HERC1: variants seen among roughly 807,000 people sequenced by gnomAD.
HERC1 encodes the protein probable E3 ubiquitin-protein ligase HERC1.
HERC1 carries 160 observed loss-of-function variants against 554.3 expected under a neutral mutation model. That is an observed-to-expected ratio of 0.29 (90% CI 0.25 to 0.33). The LOEUF (loss-of-function observed/expected upper bound fraction) is 0.33. Ranked by LOEUF, HERC1 falls within the 10% of genes least tolerant of loss-of-function variation. The pLI, the probability that HERC1 is intolerant of heterozygous loss-of-function variation, is 1.00. For missense variants in HERC1, 4,919 were observed against 5,918.5 expected, an observed-to-expected ratio of 0.83 and a Z score of 5.54; for synonymous variants, 2,175 against 2,131.7, an observed-to-expected ratio of 1.02 and a Z score of -0.56.
At chr15:63,803,853 G>A (rs2077060666) in intron 1 of HERC1, among the ~76,000 whole-genome samples, 1 of 152,122 alleles carries the variant, frequency 6.6e-6, no homozygotes, top group Middle Eastern at 3.2e-3. Flanking sequence ...TACATTATCT[G>A]ACTTTTAAGC....
At chr15:63,655,465 A>T (rs2069977549) in intron 50 of HERC1, among the ~76,000 whole-genome samples, 1 of 152,250 alleles carries the variant, frequency 6.6e-6, no homozygotes, top group African/African-American at 2.4e-5. Context: ...TAAAACAAAG[A>T]GAAAAATAAC....
chr15:63,737,493 TA>T (rs2074579766), intron 12 of HERC1, among the ~76,000 whole-genome samples: 2 of 83,072 alleles, frequency 2.4e-5, no homozygotes, highest in Non-Finnish European at 5.0e-5. Flanking sequence ...TATATATATA[TA>T]CATATATATA....
chr15:63,726,796 C>T (rs566788541), intron 17 of HERC1, among the ~76,000 whole-genome samples: 6 of 151,684 alleles, frequency 4.0e-5, no homozygotes, highest in Non-Finnish European at 7.4e-5. Flanking sequence ...TTTCAGTGAA[C>T]AGGAATAAAA....
At position 63,706,812 on chromosome 15, in the gene HERC1, T is replaced by C; in HGVS notation, c.4604A>G (p.Asp1535Gly). ...TCTGTGAGATGCTGCCAAATCCAAA[T>C]CAACATTTCGTCTGCCACTCTATTA... The part of the protein sequence containing the change: ...GYALSGRRNV[D>G]LDLAASHRKR... The change falls in exon 25 of 78, where the codon GAT becomes GGT. Residue 1535 changes from aspartate to glycine, a missense_variant. Physicochemically the swap from Asp to Gly is moderately conservative, Grantham distance 94 (BLOSUM62 -1). Transcript: ENST00000443617. 1 of 1,543,980 alleles carries C rather than the reference T, an allele frequency of 6.5e-7. No individual in the cohort carries two copies. The highest frequency in any genetic ancestry group is 8.8e-7 in the Non-Finnish European group (1 of 1,141,036).
Position 63,764,200 on chromosome 15 carries a change from A to T in HERC1, c.931-9T>A. 1 of 1,587,844 alleles carries T rather than the reference A, an allele frequency of 6.3e-7. No homozygotes were observed. Among genetic ancestry groups the T allele is most frequent in the Non-Finnish European group, 8.6e-7 (1 of 1,160,342 alleles). On this transcript the variant is annotated splice_polypyrimidine_tract_variant and intron_variant, in intron 2 of 77. Transcript: ENST00000443617. ...CGATCAGCAGATGAACCCTATAATT[A>T]AAACATTGCGGGACACAGCGTAGGA...
chr15:63,637,267 TG>T (rs1247674973), intron 64 of HERC1: 2 of 559,768 alleles, frequency 3.6e-6, no homozygotes, highest in Non-Finnish European at 6.5e-6. Context: ...CAATCTTCAG[TG>T]GGTCTCAAAA....
chr15:63,637,534 T>G lies in HERC1; in HGVS notation c.12203A>C (p.His4068Pro). The G allele has an allele frequency of 6.4e-7, 1 of 1,567,584 alleles. No homozygotes were observed. The highest frequency in any genetic ancestry group is 8.7e-7 in the Non-Finnish European group (1 of 1,154,520). Residue 4068 changes from histidine (H) to proline (P), a missense_variant, in exon 64 of 78, where the codon CAT becomes CCT. By Grantham distance (77) the His-to-Pro change is moderately conservative (BLOSUM62 -2). This residue lies in a region of HERC1 where 122 missense variants were observed against 195.2 expected (regional missense o/e 0.63). Transcript: ENST00000443617. Reference protein sequence around the residue: ...RLGQGNSDDLHVLTVISALQG... With the variant: ...RLGQGNSDDLPVLTVISALQG... ...TAAGGCTGAAATAACTGTCAGCACA[T>G]GAAGGTCATCTGAATTTCCTTGTCC... is the stretch of plus-strand genomic sequence containing the variant.
At chr15:63,778,729 C>G (rs1427515647) in intron 1 of HERC1, among the ~76,000 whole-genome samples, 2 of 152,078 alleles carry the variant, frequency 1.3e-5, no homozygotes, top group African/African-American at 4.8e-5. Flanking sequence ...CAAAAACGAA[C>G]ATGAGAAAAC....
chr15:63,787,135 C>A (rs2076481356), intron 1 of HERC1, among the ~76,000 whole-genome samples: 1 of 148,672 alleles, frequency 6.7e-6, no homozygotes, highest in Non-Finnish European at 1.5e-5. Flanking sequence ...AGCCACCATC[C>A]CCAGTCTCAA....
intron 33 of HERC1, 53 bp downstream of exon 33, chr15:63,689,536 A>T: frequency 1.0e-6 from 1 of 966,418 alleles, no homozygotes; most frequent in Admixed American, 2.5e-5. Context: ...GAGACAAGTG[A>T]CAGAATATTC....
At chr15:63,751,203 A>ATGCCAG (rs1182330266) in intron 8 of HERC1, among the ~76,000 whole-genome samples, 2 of 152,220 alleles carry the variant, frequency 1.3e-5, no homozygotes, top group Non-Finnish European at 2.9e-5. Context: ...CGGAGTTTTG[A>ATGCCAG]TGCCAGTATT....
chr15:63,789,801 A>AAATAAAT (rs2076579471), intron 1 of HERC1, among the ~76,000 whole-genome samples: 7 of 139,086 alleles, frequency 5.0e-5, no homozygotes, highest in Admixed American at 1.5e-4. Context: ...GCCCTGTCTC[A>AAATAAAT]AAATAAATAA....
intron 61 of HERC1, among the ~76,000 whole-genome samples, chr15:63,639,257 T>C (rs1268257206): frequency 6.6e-6 from 1 of 152,134 alleles, no homozygotes; most frequent in East Asian, 1.9e-4. Flanking sequence ...AGATGGTCTC[T>C]TAAGATTATA....
At chr15:63,643,088 C>G in intron 58 of HERC1, 30 bp from the exon 59 acceptor site, 3 of 1,257,044 alleles carry the variant, frequency 2.4e-6, no homozygotes, top group Non-Finnish European at 3.5e-6. Context: ...CCAATACACA[C>G]CATTGAACTG....
Position 63,612,374 on chromosome 15 carries a change from G to C in HERC1, c.14277C>G (p.His4759Gln). The change falls in exon 77 of 78, where the codon CAC (histidine) becomes CAG (glutamine). Residue 4759 changes from histidine to glutamine, a missense_variant. By Grantham distance (24) the His-to-Gln change is conservative. Around this residue, in one of 11 missense-constraint regions of HERC1, gnomAD observed 284 missense variants for 294.1 expected, o/e 0.97. Transcript: ENST00000443617. This position sits in a 1 kb window ranked among gnomAD's most constrained non-coding sequence, Gnocchi z 5.0. ...EQHQLVQWFW[H>Q]TLEEFSNEER... ...CCTCATTGGAGAACTCTTCCAGCGT[G>C]TGCCAGAACCACTGCACCAGCTGAT... The C allele has an allele frequency of 1.2e-6, 2 of 1,614,038 alleles. No individual in the cohort carries two copies. Among genetic ancestry groups the C allele is most frequent in the Non-Finnish European group, 1.7e-6 (2 of 1,179,906 alleles).
Position 63,662,974 on chromosome 15 carries a change from T to C in HERC1, c.8901+10A>G. 6.2e-7 allele frequency: 1 copy of C among 1,608,800 alleles called. No individual in the cohort carries two copies. Among genetic ancestry groups the C allele is most frequent in the Non-Finnish European group, 8.5e-7 (1 of 1,175,242 alleles). The stretch of plus-strand genomic sequence containing the variant: ...TAAGTCAGAGCAGCCCCCGCTGCAG[T>C]CACACACACCCAGGTAGGCCAATCC... On this transcript the variant is annotated intron_variant, in intron 44 of 77. Coordinates refer to ENST00000443617, the MANE Select transcript of HERC1 (RefSeq NM_003922.4).
At chr15:63,622,228 AAT>A (rs1418177037) in intron 74 of HERC1, among the ~76,000 whole-genome samples, 7 of 152,170 alleles carry the variant, frequency 4.6e-5, no homozygotes, top group Admixed American at 2.0e-4. Flanking sequence ...CAGAAACATA[AAT>A]CAGGTTTCAT....
chr15:63,767,787 T>C (rs1313930143), intron 2 of HERC1, among the ~76,000 whole-genome samples: 2 of 152,226 alleles, frequency 1.3e-5, no homozygotes, highest in Admixed American at 1.3e-4. Flanking sequence ...AGCTGAGTAT[T>C]ACATGGCAGA....
chr15:63,693,336 C>T (rs1429802259), intron 30 of HERC1, among the ~76,000 whole-genome samples: 3 of 151,598 alleles, frequency 2.0e-5, no homozygotes, highest in Non-Finnish European at 2.9e-5. Context: ...CTCCACCTCC[C>T]GGGTTCAAGT....
Sources: gnomAD v4.1 joint callset for allele counts (sites outside exome capture counted in the v4.1 genomes callset) on GRCh38, gnomAD v4.1.1 for gene constraint, gnomAD v4.1.1 regional missense constraint, Gnocchi (gnomAD v3.1) non-coding constraint, MANE v1.5 for transcripts, NCBI Gene and HGNC (gene_info 2026-07-23, HGNC 2026-07-21) for gene names.